CNTN3: variants seen among roughly 807,000 people sequenced by gnomAD.
CNTN3 encodes the protein contactin-3.
In CNTN3, 60 loss-of-function variants were observed where a neutral mutation model predicts 119.1. The observed-to-expected ratio is 0.50, with a 90% CI of 0.41 to 0.62. CNTN3 has a LOEUF of 0.62. Ranked by LOEUF, CNTN3 falls within the 20% of genes least tolerant of loss-of-function variation. The probability of loss-of-function intolerance (pLI) is 0.00; values close to 1 mark genes in which losing one functional copy is unlikely to be tolerated. For synonymous variants in CNTN3, 450 were observed against 438.7 expected, an observed-to-expected ratio of 1.03 and a Z score of -0.32; for missense variants, 1,101 against 1,242.4, an observed-to-expected ratio of 0.89 and a Z score of 1.71.
intron 13 of CNTN3, among the ~76,000 whole-genome samples, chr3:74,309,637 T>TCCAATGAG (rs1262957498): frequency 6.6e-6 from 1 of 152,148 alleles, no homozygotes; most frequent in Non-Finnish European, 1.5e-5. Flanking sequence ...TCTAGGTGAT[T>TCCAATGAG]CCAATGAGCA....
At chr3:74,336,381 G>T in intron 12 of CNTN3, 150 bp downstream of exon 12, 1 of 791,692 alleles carries the variant, frequency 1.3e-6, no homozygotes, top group Non-Finnish European at 2.0e-6. Context: ...TTGTTCCCTT[G>T]ACTTTCACCT....
intron 4 of CNTN3, among the ~76,000 whole-genome samples, chr3:74,444,142 T>C (rs183256368): frequency 6.6e-6 from 1 of 152,264 alleles, no homozygotes; most frequent in Non-Finnish European, 1.5e-5. Context: ...TGTCTTCTTA[T>C]AATGACACCA....
chr3:74,534,777 G>T (rs1703740030), intron 1 of CNTN3, among the ~76,000 whole-genome samples: 1 of 152,006 alleles, frequency 6.6e-6, no homozygotes, highest in Admixed American at 6.6e-5. Flanking sequence ...TACATATGTA[G>T]TCTTGGGCGA....
intron 1 of CNTN3, among the ~76,000 whole-genome samples, chr3:74,557,001 G>A (rs1226004182): frequency 6.6e-6 from 1 of 152,010 alleles, no homozygotes; most frequent in African/African-American, 2.4e-5. Flanking sequence ...TTTTATTGTT[G>A]CATCGTGAGA....
intron 3 of CNTN3, among the ~76,000 whole-genome samples, chr3:74,493,503 G>C (rs928556068): frequency 2.0e-5 from 3 of 152,118 alleles, no homozygotes; most frequent in Admixed American, 6.6e-5. Flanking sequence ...GAACCAACGC[G>C]AAAAGAACAA....
chr3:74,497,289 T>C (rs1575783599), intron 3 of CNTN3, among the ~76,000 whole-genome samples: 1 of 151,910 alleles, frequency 6.6e-6, no homozygotes, highest in South Asian at 2.1e-4. Flanking sequence ...TAAAGAATAA[T>C]GTGAAATATT....
chr3:74,431,938 G>A (rs180732090), intron 4 of CNTN3, among the ~76,000 whole-genome samples: 31 of 152,296 alleles, frequency 2.0e-4, no homozygotes, highest in Non-Finnish European at 3.7e-4. Flanking sequence ...GCTATTTGAT[G>A]CTATGAGGTG....
At chr3:74,297,847 T>C (rs766122665) in intron 18 of CNTN3, 110 bp downstream of exon 18, 1 of 772,398 alleles carries the variant, frequency 1.3e-6, no homozygotes, top group Non-Finnish European at 2.1e-6. Flanking sequence ...ACCTGGATGA[T>C]TGTTCTTTGG....
chr3:74,588,510 C>T (rs1340663510), intron 1 of CNTN3, among the ~76,000 whole-genome samples: 1 of 151,932 alleles, frequency 6.6e-6, no homozygotes, highest in Non-Finnish European at 1.5e-5. Flanking sequence ...GAATCAATAT[C>T]ATGAAAATGG....
intron 17 of CNTN3, among the ~76,000 whole-genome samples, chr3:74,299,584 C>T (rs1050885952): frequency 6.6e-6 from 1 of 152,136 alleles, no homozygotes; most frequent in African/African-American, 2.4e-5. Flanking sequence ...TAAATTGTTG[C>T]AAGGATGACA....
intron 13 of CNTN3, among the ~76,000 whole-genome samples, chr3:74,303,728 T>C (rs751117814): frequency 1.5e-4 from 23 of 152,164 alleles, no homozygotes; most frequent in Admixed American, 1.4e-3. Context: ...TAATAACAGC[T>C]GTCCTTAAAG....
chr3:74,561,033 G>A (rs1224932926), intron 1 of CNTN3, among the ~76,000 whole-genome samples: 1 of 106,240 alleles, frequency 9.4e-6, no homozygotes, highest in Non-Finnish European at 1.9e-5. Context: ...TTGTGGGATG[G>A]GGGGAGGGGG....
At chr3:74,344,726 T>G (rs1056372890) in intron 11 of CNTN3, among the ~76,000 whole-genome samples, 1 of 152,162 alleles carries the variant, frequency 6.6e-6, no homozygotes, top group African/African-American at 2.4e-5. Context: ...CCCAAAGTGC[T>G]GGGATTACAG....
At chr3:74,519,929 T>C (rs936970156) in intron 2 of CNTN3, among the ~76,000 whole-genome samples, 9 of 151,666 alleles carry the variant, frequency 5.9e-5, no homozygotes, top group Admixed American at 6.6e-5. Flanking sequence ...GGATTTTTGC[T>C]ATATATTATC....
At chr3:74,592,793 C>T (rs930669329) in intron 1 of CNTN3, among the ~76,000 whole-genome samples, 2 of 151,934 alleles carry the variant, frequency 1.3e-5, no homozygotes, top group South Asian at 2.1e-4. Context: ...CAAAACTTTA[C>T]ATTTTATATG....
intron 4 of CNTN3, among the ~76,000 whole-genome samples, chr3:74,429,424 A>G (rs1313031645): frequency 1.4e-5 from 2 of 141,272 alleles, no homozygotes; most frequent in Admixed American, 1.4e-4. Flanking sequence ...AAAAAATGCA[A>G]TTCAATGGAA....
intron 13 of CNTN3, among the ~76,000 whole-genome samples, chr3:74,323,474 G>A (rs1385048290): frequency 1.3e-5 from 2 of 152,110 alleles, no homozygotes; most frequent in African/African-American, 2.4e-5. Flanking sequence ...CTGGTTAAGG[G>A]ATATGAGCTT....
chr3:74,352,906 T>C (rs1703850617), intron 11 of CNTN3, among the ~76,000 whole-genome samples: 1 of 152,106 alleles, frequency 6.6e-6, no homozygotes, highest in Non-Finnish European at 1.5e-5. Context: ...ACCTGACAGT[T>C]GCGAGGGAAC....
chr3:74,281,743 G>C (rs993722339), intron 20 of CNTN3, among the ~76,000 whole-genome samples: 1 of 152,130 alleles, frequency 6.6e-6, no homozygotes, highest in Non-Finnish European at 1.5e-5. Context: ...GAGATTTTTG[G>C]CTTGAGAAAC....
Sources: allele counts gnomAD v4.1 joint callset (sites outside exome capture counted in the v4.1 genomes callset), GRCh38; gene constraint gnomAD v4.1.1; transcripts MANE v1.5; gene names NCBI Gene and HGNC (gene_info 2026-07-23, HGNC 2026-07-21).